Variants in SORCS3 observed in about 807,000 individuals in gnomAD.
The protein encoded by SORCS3 is VPS10 domain-containing receptor SorCS3.
Under a neutral mutation model 146.3 loss-of-function variants are expected in SORCS3, and 57 were observed. That is an observed-to-expected ratio of 0.39 (90% confidence interval 0.31 to 0.49). The LOEUF (loss-of-function observed/expected upper bound fraction) is 0.49. Among genes scored for constraint, SORCS3 ranks in the 20% least tolerant of loss-of-function variants. SORCS3 has a pLI of 0.92. For synonymous variants in SORCS3, 653 were observed against 618.5 expected (o/e 1.06, Z -0.83); for missense variants, 1,341 against 1,575.5 (o/e 0.85, Z 2.52).
chr10:105,181,994 C>T (rs748906600), intron 14 of SORCS3, among the ~76,000 whole-genome samples: 27 of 152,034 alleles, frequency 1.8e-4, no homozygotes, highest in African/African-American at 6.5e-4. Flanking sequence ...GAAATTCTTT[C>T]CTGATAAGAA....
intron 2 of SORCS3, among the ~76,000 whole-genome samples, chr10:104,894,225 C>T (rs572760732): frequency 2.0e-5 from 3 of 152,282 alleles, no homozygotes; most frequent in South Asian, 2.1e-4. Context: ...TCAACTGCAG[C>T]GTTTCTCTCA....
chr10:105,222,786 A>G (rs1014854057), intron 19 of SORCS3, among the ~76,000 whole-genome samples: 1 of 152,304 alleles, frequency 6.6e-6, no homozygotes, highest in East Asian at 1.9e-4. Context: ...AACAAAATAG[A>G]CTGCTGTTTA....
At chr10:105,246,303 T>C (rs2056865949) in intron 21 of SORCS3, among the ~76,000 whole-genome samples, 1 of 152,200 alleles carries the variant, frequency 6.6e-6, no homozygotes, top group Admixed American at 6.5e-5. Flanking sequence ...CCAGTATCAC[T>C]GTGGTTTTCT....
chr10:105,255,718 T>G lies in SORCS3; in HGVS notation c.3254T>G (p.Phe1085Cys). ...TTTTTTCAGATTGTAGAAACACTGT[T>G]TAATGCTCTCAACCAAAATTTGGTC... Reference protein sequence around the residue: ...GDLEQIVETLFNALNQNLVQF... With the variant: ...GDLEQIVETLCNALNQNLVQF... The change falls in exon 24 of 27, where the codon TTT becomes TGT. Residue 1085 changes from phenylalanine to cysteine, a missense_variant. Transcript: ENST00000369701. The G allele has an allele frequency of 6.2e-7, 1 of 1,613,688 alleles. No individual in the cohort carries two copies. The highest frequency in any genetic ancestry group is 8.5e-7 in the Non-Finnish European group (1 of 1,179,722).
chr10:105,178,046 T>G lies in SORCS3; in HGVS notation c.1902-20T>G, dbSNP rs2119559428. On this transcript the variant is annotated intron_variant, in intron 13 of 26. Coordinates refer to ENST00000369701, the MANE Select transcript of SORCS3 (RefSeq NM_014978.3). ...GCTTTATTTTCAGCTGTCTTTTTTGTGTACTTGTTTCCAACACAGGGTGAG... is the reference window on the plus strand; with the variant it reads ...GCTTTATTTTCAGCTGTCTTTTTTGGGTACTTGTTTCCAACACAGGGTGAG... 2 of 1,574,720 alleles carry G rather than the reference T, an allele frequency of 1.3e-6. No individual in the cohort carries two copies.
intron 1 of SORCS3, among the ~76,000 whole-genome samples, chr10:104,763,690 T>A (rs1435861593): frequency 1.3e-5 from 2 of 152,224 alleles, no homozygotes; most frequent in Non-Finnish European, 2.9e-5. Context: ...CCATATTTTT[T>A]CAAAGTTATT....
At chr10:104,714,511 T>A (rs1328547143) in intron 1 of SORCS3, among the ~76,000 whole-genome samples, 1 of 152,226 alleles carries the variant, frequency 6.6e-6, no homozygotes, top group African/African-American at 2.4e-5. Context: ...TGACCCAAAG[T>A]TATTTAGAAA....
At chr10:104,884,114 A>G (rs1313782956) in intron 2 of SORCS3, among the ~76,000 whole-genome samples, 2 of 152,202 alleles carry the variant, frequency 1.3e-5, no homozygotes, top group Non-Finnish European at 2.9e-5. Flanking sequence ...TACCCTTCTG[A>G]AATCATTCAA....
At chr10:105,112,545 T>A (rs746065538) in intron 7 of SORCS3, among the ~76,000 whole-genome samples, 3 of 152,140 alleles carry the variant, frequency 2.0e-5, no homozygotes, top group Non-Finnish European at 4.4e-5. Context: ...ACAGATGCTA[T>A]ATGAGCACAG....
At chr10:105,007,516 T>G (rs1213986407) in intron 4 of SORCS3, among the ~76,000 whole-genome samples, 1 of 152,066 alleles carries the variant, frequency 6.6e-6, no homozygotes, top group African/African-American at 2.4e-5. Flanking sequence ...AAAGCAGAAG[T>G]AACTTTTCCA....
Position 105,147,610 on chromosome 10 carries a change from C to T in SORCS3, c.1303-7C>T, listed in dbSNP as rs2056140187. 6.2e-7 allele frequency: 1 copy of T among 1,601,820 alleles called. No individual in the cohort carries two copies. On this transcript the variant is annotated splice_region_variant and splice_polypyrimidine_tract_variant and intron_variant, in intron 8 of 26. Coordinates refer to ENST00000369701, the MANE Select transcript of SORCS3 (RefSeq NM_014978.3). The stretch of plus-strand genomic sequence containing the variant: ...TGCTGCCTTACAAGCCTTCCATCTT[C>T]TTTCAGGACATGCACATCATCAGTA...
chr10:105,074,394 AGTGCCAGTTTCGTGCTAGGAG>A (rs760520943), intron 5 of SORCS3, among the ~76,000 whole-genome samples: 5 of 152,200 alleles, frequency 3.3e-5, no homozygotes, highest in Non-Finnish European at 7.3e-5. Context: ...AATATAATTG[AGTGCCAGTTTCGTGCTAGGAG>A]GTGAAGTTAT....
At chr10:104,944,937 C>A (rs7087938) in intron 3 of SORCS3, among the ~76,000 whole-genome samples, 41,939 of 152,058 alleles carry the variant, frequency 0.28, 7,410 homozygotes, top group African/African-American at 0.51. Context: ...GGAACCAACT[C>A]ACATATTTGT....
chr10:105,167,752 G>A (rs578240514), intron 13 of SORCS3, among the ~76,000 whole-genome samples: 5 of 152,244 alleles, frequency 3.3e-5, no homozygotes, highest in African/African-American at 1.2e-4. Flanking sequence ...CAGCAGAAAT[G>A]GCCATGAGTT....
At chr10:104,958,078 T>C (rs2019516093) in intron 3 of SORCS3, among the ~76,000 whole-genome samples, 1 of 152,162 alleles carries the variant, frequency 6.6e-6, no homozygotes, top group African/African-American at 2.4e-5. Context: ...TCATTTTTCC[T>C]CCTGCTTTCT....
intron 1 of SORCS3, among the ~76,000 whole-genome samples, chr10:104,689,717 G>A (rs1303203404): frequency 6.6e-6 from 1 of 152,118 alleles, no homozygotes; most frequent in Non-Finnish European, 1.5e-5. Context: ...TGCAGGGCAG[G>A]TGGCTTATCA....
chr10:104,839,389 A>G (rs2018111357), intron 1 of SORCS3, among the ~76,000 whole-genome samples: 1 of 152,200 alleles, frequency 6.6e-6, no homozygotes, highest in Non-Finnish European at 1.5e-5. Context: ...GCAGGCAAGT[A>G]CAGGGGATAA....
intron 5 of SORCS3, among the ~76,000 whole-genome samples, chr10:105,086,960 G>A (rs2055665191): frequency 6.6e-6 from 1 of 152,142 alleles, no homozygotes; most frequent in Non-Finnish European, 1.5e-5. Context: ...ATTGCTTTTG[G>A]TGTTTTAGTC....
chr10:105,019,425 CA>C (rs58472651), intron 4 of SORCS3, among the ~76,000 whole-genome samples: 3,879 of 152,278 alleles, frequency 0.025, 164 homozygotes, highest in African/African-American at 0.088. Flanking sequence ...TCATATACTT[CA>C]TGTTTTAGAC....
Sources: allele counts gnomAD v4.1 joint callset (sites outside exome capture counted in the v4.1 genomes callset), GRCh38; gene constraint gnomAD v4.1.1; transcripts MANE v1.5; gene names NCBI Gene and HGNC (gene_info 2026-07-23, HGNC 2026-07-21).